Variants in GON4L observed in about 807,000 individuals in gnomAD.
GON4L encodes the protein GON-4-like protein.
Under a neutral mutation model 211.8 loss-of-function variants are expected in GON4L, and 87 were observed. That is an observed-to-expected ratio of 0.41 (90% CI 0.35 to 0.49). The LOEUF (loss-of-function observed/expected upper bound fraction) is 0.49. Among genes scored for constraint, GON4L ranks in the 20% least tolerant of loss-of-function variants. The probability of loss-of-function intolerance (pLI) is 0.15; values close to 1 mark genes in which losing one functional copy is unlikely to be tolerated. For missense variants in GON4L, 2,155 were observed against 2,659.5 expected, an observed-to-expected ratio of 0.81 and a Z score of 4.17; for synonymous variants, 875 against 962.6, an observed-to-expected ratio of 0.91 and a Z score of 1.68.
At chr1:155,754,957 A>G (rs1348831401) in intron 27 of GON4L, among the ~76,000 whole-genome samples, 1 of 141,972 alleles carries the variant, frequency 7.0e-6, no homozygotes, top group South Asian at 2.2e-4. Context: ...CCCAGGCTAG[A>G]GTGCAGTGTC....
chr1:155,839,077 G>A (rs1215168835), intron 2 of GON4L, among the ~76,000 whole-genome samples: 1 of 151,994 alleles, frequency 6.6e-6, no homozygotes, highest in Non-Finnish European at 1.5e-5. Flanking sequence ...TTTTTATTGA[G>A]AAAAAGAATA....
intron 2 of GON4L, among the ~76,000 whole-genome samples, chr1:155,844,669 G>A (rs1291972428): frequency 6.6e-6 from 1 of 151,994 alleles, no homozygotes; most frequent in Non-Finnish European, 1.5e-5. Context: ...AAGGCAGGAG[G>A]ATCACTTGAG....
intron 12 of GON4L, among the ~76,000 whole-genome samples, chr1:155,793,827 C>T (rs1431536344): frequency 2.6e-5 from 4 of 152,148 alleles, no homozygotes; most frequent in Non-Finnish European, 5.9e-5. Flanking sequence ...CTATGCCGGT[C>T]TCGAACTCCT....
chr1:155,754,907 T>C (rs1438767583), intron 27 of GON4L, among the ~76,000 whole-genome samples: 4 of 143,376 alleles, frequency 2.8e-5, no homozygotes, highest in African/African-American at 1.1e-4. Context: ...CCCATGCTTT[T>C]TTTTTTTTTT....
At chr1:155,777,939 C>T (rs558523166) in intron 14 of GON4L, 119 bp from the exon 15 acceptor site, 9 of 725,696 alleles carry the variant, frequency 1.2e-5, no homozygotes, top group South Asian at 4.4e-5. Context: ...AATCCCCCAT[C>T]TCACTTTAGC....
At chr1:155,857,925 A>C (rs952358533), upstream of GON4L, among the ~76,000 whole-genome samples, 2 of 152,194 alleles carry the variant, frequency 1.3e-5, no homozygotes, top group Non-Finnish European at 2.9e-5. Flanking sequence ...TCTGCATTTT[A>C]CAAAATGCTC....
chr1:155,785,178 T>C (rs1421213525), intron 13 of GON4L, 156 bp downstream of exon 13: 4 of 736,904 alleles, frequency 5.4e-6, no homozygotes, highest in Middle Eastern at 2.3e-4. Context: ...GTTAGCAAAA[T>C]TCCCTTGTCA....
intron 2 of GON4L, among the ~76,000 whole-genome samples, chr1:155,842,447 C>T (rs1433227281): frequency 6.7e-6 from 1 of 150,344 alleles, no homozygotes; most frequent in Non-Finnish European, 1.5e-5. Flanking sequence ...TGGTGTGAAC[C>T]CGGGAGGTGG....
At chr1:155,775,539 C>A (rs990496835) in intron 16 of GON4L, among the ~76,000 whole-genome samples, 3 of 151,644 alleles carry the variant, frequency 2.0e-5, no homozygotes, top group African/African-American at 7.3e-5. Flanking sequence ...ACTGAAGTCT[C>A]CACTTCCTGG....
At chr1:155,791,918 A>G (rs1173985914) in intron 12 of GON4L, among the ~76,000 whole-genome samples, 2 of 119,456 alleles carry the variant, frequency 1.7e-5, no homozygotes, top group East Asian at 4.2e-4. Flanking sequence ...ATAACATAAC[A>G]TAACATCACA....
intron 10 of GON4L, among the ~76,000 whole-genome samples, chr1:155,811,391 CAAAAAAAAAAAAAAAA>C (rs777417019): frequency 9.0e-5 from 3 of 33,170 alleles, no homozygotes; most frequent in Admixed American, 6.3e-4. Flanking sequence ...GACTCCGTCT[CAAAAAAAAAAAAAAAA>C]AAAAAAAAAA....
downstream of GON4L, chr1:155,748,546 G>A (rs189159863): frequency 5.8e-5 from 93 of 1,613,908 alleles, no homozygotes; most frequent in Admixed American, 6.0e-4. Context: ...GAAGCTTTGT[G>A]AGGGGTTGGG....
intron 1 of GON4L, among the ~76,000 whole-genome samples, chr1:155,854,712 CA>C (rs1341963431): frequency 6.6e-6 from 1 of 152,074 alleles, no homozygotes; most frequent in African/African-American, 2.4e-5. Context: ...AGAAACAAAT[CA>C]AAAGCAAAGT....
At chr1:155,829,240 T>C (rs1375804320) in intron 2 of GON4L, among the ~76,000 whole-genome samples, 1 of 152,220 alleles carries the variant, frequency 6.6e-6, no homozygotes, top group Non-Finnish European at 1.5e-5. Context: ...TTCTCCTTTC[T>C]TTGCCTCCTA....
chr1:155,752,220 T>C lies in GON4L; in HGVS notation c.6213A>G (p.Pro2071=). ...DAGRRHVSGK[P]DTQERWLPSS... ...AGGGCAGCCATCTCTCTTGAGTGTCTGGTTTCCCGGACACATGTCTTCTCC... is the reference window on the plus strand; with the variant it reads ...AGGGCAGCCATCTCTCTTGAGTGTCCGGTTTCCCGGACACATGTCTTCTCC... Residue 2071 remains proline (P), a synonymous_variant, in exon 30 of 32, where the codon CCA becomes CCG. Coordinates refer to ENST00000368331, the MANE Select transcript of GON4L (RefSeq NM_001282860.2). 6.2e-7 allele frequency: 1 copy of C among 1,613,314 alleles called. No individual in the cohort carries two copies. The highest frequency in any genetic ancestry group is 8.5e-7 in the Non-Finnish European group (1 of 1,179,438).
chr1:155,792,896 A>T (rs1371426076), intron 12 of GON4L, among the ~76,000 whole-genome samples: 1 of 152,018 alleles, frequency 6.6e-6, no homozygotes, highest in Non-Finnish European at 1.5e-5. Flanking sequence ...AGCTGGGACT[A>T]CGGGCATGCA....
chr1:155,842,525 A>T (rs1670868870), intron 2 of GON4L, among the ~76,000 whole-genome samples: 1 of 143,654 alleles, frequency 7.0e-6, no homozygotes, highest in African/African-American at 2.5e-5. Context: ...CTCCATCTCA[A>T]AAAAAAAAAA....
downstream of GON4L, chr1:155,747,416 AC>A: frequency 7.7e-7 from 1 of 1,292,798 alleles, no homozygotes; most frequent in Non-Finnish European, 1.1e-6. Context: ...GGGTATGGGG[AC>A]CCCAGAGGCT....
intron 2 of GON4L, among the ~76,000 whole-genome samples, chr1:155,838,309 A>G (rs940159135): frequency 6.6e-6 from 1 of 152,196 alleles, no homozygotes; most frequent in Non-Finnish European, 1.5e-5. Context: ...TGTCTTCAGA[A>G]TTGTATAAAT....
Sources: allele counts gnomAD v4.1 joint callset (sites outside exome capture counted in the v4.1 genomes callset), GRCh38; gene constraint gnomAD v4.1.1; transcripts MANE v1.5; gene names NCBI Gene and HGNC (gene_info 2026-07-23, HGNC 2026-07-21).